Variants in FMN1 observed in about 807,000 individuals in gnomAD.
FMN1 encodes the protein formin-1.
FMN1 carries 110 observed loss-of-function variants against 132.4 expected under a neutral mutation model. The ratio of observed to expected loss-of-function variants is 0.83; its 90% confidence interval spans 0.71 to 0.97. The LOEUF (loss-of-function observed/expected upper bound fraction) is 0.97. Ranked by LOEUF, FMN1 falls within the 50% of genes least tolerant of loss-of-function variation. FMN1 has a pLI of 0.00. For missense variants in FMN1, 1,792 were observed against 1,705.3 expected (o/e 1.05, Z -0.90); for synonymous variants, 722 against 651.7 (o/e 1.11, Z -1.64).
At chr15:33,127,933 G>T (rs538483036) in intron 4 of FMN1, among the ~76,000 whole-genome samples, 3 of 152,144 alleles carry the variant, frequency 2.0e-5, no homozygotes, top group Non-Finnish European at 4.4e-5. Context: ...AATAGAAGAA[G>T]AGGCAGCAAC....
chr15:32,777,073 T>C (rs1004515569), intron 19 of FMN1, among the ~76,000 whole-genome samples, 154 bp from the exon 20 acceptor site: 60 of 152,206 alleles, frequency 3.9e-4, no homozygotes, highest in Admixed American at 2.6e-4. Context: ...GTTTTTTCAA[T>C]GCTTGTTATT....
At chr15:33,039,757 T>TC (rs2036344448) in intron 6 of FMN1, among the ~76,000 whole-genome samples, 1 of 57,240 alleles carries the variant, frequency 1.7e-5, no homozygotes, top group African/African-American at 5.4e-5. Flanking sequence ...TTATTATCTC[T>TC]GATTCCATTA....
intron 9 of FMN1, among the ~76,000 whole-genome samples, chr15:32,937,308 A>G (rs562569410): frequency 1.3e-5 from 2 of 152,306 alleles, no homozygotes; most frequent in South Asian, 4.1e-4. Flanking sequence ...TCCCTCCCAA[A>G]GGAGAAGCCA....
chr15:33,124,220 G>A (rs1375238169), intron 4 of FMN1, among the ~76,000 whole-genome samples: 1 of 152,060 alleles, frequency 6.6e-6, no homozygotes, highest in Non-Finnish European at 1.5e-5. Flanking sequence ...GTGAGGTGAT[G>A]TTAAAGACAA....
chr15:32,907,645 T>G (rs79295303), intron 12 of FMN1, among the ~76,000 whole-genome samples: 2 of 152,170 alleles, frequency 1.3e-5, no homozygotes, highest in African/African-American at 4.8e-5. Context: ...AACCCTGATC[T>G]GATAGCTCCA....
chr15:33,126,501 C>T (rs1211614402), intron 4 of FMN1, among the ~76,000 whole-genome samples: 1 of 152,208 alleles, frequency 6.6e-6, no homozygotes, highest in African/African-American at 2.4e-5. Flanking sequence ...AACTCTACAT[C>T]TACTCCTCTT....
rs963790831 is a variant in FMN1 at position 33,066,403 on chromosome 15, C to T, written c.2044-1329G>A. 15 of 959,118 alleles carry T rather than the reference C, an allele frequency of 1.6e-5. 1 individual carries two copies. Among genetic ancestry groups the T allele is most frequent in the Middle Eastern group, 2.2e-4 (1 of 4,538 alleles). The allele number at this position is 959,118 out of a possible 1,614,324, so 59.4% of individuals were successfully genotyped here. ...TAATTTGACTATAATCCTTTTTCAACTAAAAGAATCACTAACAGGCAACTA... is the reference window on the plus strand; with the variant it reads ...TAATTTGACTATAATCCTTTTTCAATTAAAAGAATCACTAACAGGCAACTA... On this transcript the variant is annotated intron_variant, in intron 5 of 20. Coordinates refer to ENST00000616417, the MANE Select transcript of FMN1 (RefSeq NM_001277313.2).
intron 4 of FMN1, among the ~76,000 whole-genome samples, chr15:33,098,769 A>AC (rs1443288787): frequency 6.6e-6 from 1 of 152,106 alleles, no homozygotes; most frequent in African/African-American, 2.4e-5. Context: ...TTCTTCTACC[A>AC]CCACAGCTCT....
At chr15:32,884,787 T>C (rs1383169549) in intron 16 of FMN1, among the ~76,000 whole-genome samples, 1 of 152,216 alleles carries the variant, frequency 6.6e-6, no homozygotes, top group African/African-American at 2.4e-5. Context: ...AAACAAAATA[T>C]GGAACATGTT....
chr15:32,810,849 GGTTTAT>G, intron 17 of FMN1: 2 of 404,992 alleles, frequency 4.9e-6, no homozygotes, highest in Non-Finnish European at 9.8e-6. Context: ...AATATACCAT[GGTTTAT>G]GGACCTGACA....
At chr15:32,980,528 G>A (rs1006561946) in intron 7 of FMN1, among the ~76,000 whole-genome samples, 2 of 152,046 alleles carry the variant, frequency 1.3e-5, no homozygotes, top group African/African-American at 4.8e-5. Flanking sequence ...TTTTAAAACT[G>A]TACAGTATTA....
At chr15:33,123,927 C>A (rs139612469) in intron 4 of FMN1, among the ~76,000 whole-genome samples, 1 of 152,186 alleles carries the variant, frequency 6.6e-6, no homozygotes, top group Admixed American at 6.6e-5. Context: ...TCTGTTCTCC[C>A]CTCATGGTAT....
At chr15:32,996,441 C>T (rs1268345963) in intron 7 of FMN1, among the ~76,000 whole-genome samples, 3 of 152,134 alleles carry the variant, frequency 2.0e-5, no homozygotes, top group Non-Finnish European at 4.4e-5. Context: ...GGACAAATAT[C>T]CACCCAAAGA....
At chr15:32,835,806 A>G (rs1186508265) in intron 17 of FMN1, among the ~76,000 whole-genome samples, 6 of 152,160 alleles carry the variant, frequency 3.9e-5, no homozygotes, top group Non-Finnish European at 8.8e-5. Context: ...AATAAGAAAG[A>G]AAGAGCTTTT....
intron 2 of FMN1, among the ~76,000 whole-genome samples, chr15:33,191,696 T>A (rs1966084759): frequency 6.6e-6 from 1 of 152,218 alleles, no homozygotes; most frequent in Non-Finnish European, 1.5e-5. Context: ...CTTCTTTACA[T>A]CTCCCCGCTT....
At chr15:32,815,055 G>A (rs1050729288) in intron 17 of FMN1, among the ~76,000 whole-genome samples, 14 of 151,952 alleles carry the variant, frequency 9.2e-5, no homozygotes, top group African/African-American at 3.4e-4. Flanking sequence ...CCATTCTCCC[G>A]CCTCAGCCTC....
intron 18 of FMN1, among the ~76,000 whole-genome samples, chr15:32,801,568 C>T (rs1244536699): frequency 6.6e-6 from 1 of 152,038 alleles, no homozygotes; most frequent in East Asian, 1.9e-4. Flanking sequence ...AGATCGAGAC[C>T]ATCCTGGCTA....
rs184667573 is a variant in FMN1, at chr15:32,829,429, G to C, written c.3929-25097C>G. ...TGAATAACACAGGCCCCCAGGAGAG[G>C]GGGGTGAAAGATAGTTTTCAAAGAT... is the stretch of plus-strand genomic sequence containing the variant. On this transcript the variant is annotated intron_variant, in intron 17 of 20. Coordinates refer to ENST00000616417, the MANE Select transcript of FMN1 (RefSeq NM_001277313.2). Among the ~76,000 whole-genome samples the C allele has an allele frequency of 4.0e-4, 61 of 152,224 alleles. No homozygotes were observed. The East Asian group carries it at 0.012, about 29-fold the overall frequency.
At chr15:32,829,466 C>T (rs980725589) in intron 17 of FMN1, among the ~76,000 whole-genome samples, 2 of 152,150 alleles carry the variant, frequency 1.3e-5, no homozygotes, top group Non-Finnish European at 2.9e-5. Flanking sequence ...GGAAAATTTC[C>T]TCCAACTTAC....
Sources: gnomAD v4.1 joint callset for allele counts (sites outside exome capture counted in the v4.1 genomes callset) on GRCh38, gnomAD v4.1.1 for gene constraint, MANE v1.5 for transcripts, NCBI Gene and HGNC (gene_info 2026-07-23, HGNC 2026-07-21) for gene names.